Variants in WASF2 observed in about 807,000 individuals in gnomAD.
The protein encoded by WASF2 is WASP family member 2.
Under a neutral mutation model 45.0 loss-of-function variants are expected in WASF2, and 14 were observed. That is an observed-to-expected ratio of 0.31 (90% confidence interval 0.21 to 0.49). The LOEUF is 0.49. Ranked by LOEUF, WASF2 falls within the 20% of genes least tolerant of loss-of-function variation. WASF2 has a pLI of 0.99. For synonymous variants in WASF2, 200 were observed against 236.3 expected (o/e 0.85, Z 1.41); for missense variants, 439 against 636.1 (o/e 0.69, Z 3.33).
At chr1:27,454,949 TG>T (rs1469721479) in intron 1 of WASF2, among the ~76,000 whole-genome samples, 1 of 152,196 alleles carries the variant, frequency 6.6e-6, no homozygotes, top group Non-Finnish European at 1.5e-5. Context: ...ACATGTCTCC[TG>T]GTCCACATAT....
chr1:27,428,694 G>A (rs2017019965), intron 2 of WASF2, 67 bp downstream of exon 2: 2 of 1,610,982 alleles, frequency 1.2e-6, no homozygotes, highest in Non-Finnish European at 1.7e-6. Flanking sequence ...CGCGGGAGGA[G>A]AAGGAAACTA....
chr1:27,471,364 AAG>A (rs2017686705), intron 1 of WASF2, among the ~76,000 whole-genome samples: 1 of 150,844 alleles, frequency 6.6e-6, no homozygotes, highest in Non-Finnish European at 1.5e-5. Context: ...AAAAAAAAAA[AAG>A]AGTAGGCTGT....
intron 1 of WASF2, among the ~76,000 whole-genome samples, chr1:27,442,050 G>A (rs944465105): frequency 1.3e-5 from 2 of 151,226 alleles, no homozygotes; most frequent in Non-Finnish European, 2.9e-5. Flanking sequence ...AGTCTGTGGT[G>A]AGCCATGACT....
Position 27,425,577 on chromosome 1 carries a change from G to A in WASF2, c.130+3184C>T, listed in dbSNP as rs1053210327. On this transcript the variant is annotated intron_variant, in intron 2 of 8. Transcript: ENST00000618852. ...AAATTGGCCAGGCGCAGTGGCTCACGCTTGTAATCCCGGCACTCTGGGAGG... is the reference window on the plus strand; with the variant it reads ...AAATTGGCCAGGCGCAGTGGCTCACACTTGTAATCCCGGCACTCTGGGAGG... 1.1e-4 allele frequency among the ~76,000 whole-genome samples: 17 copies of A among 152,286 alleles called. 1 individual carries two copies. The highest frequency in any genetic ancestry group is 3.6e-4 in the African/African-American group (15 of 41,570).
In WASF2 at chr1:27,408,124, G is replaced by T; in HGVS notation, c.*65C>A. ...CTTTTCTCCCCCTACGGGTCTGTTGGGGTTGGCATCAAAGAAGGCAGGTAG... is the reference window on the plus strand; with the variant it reads ...CTTTTCTCCCCCTACGGGTCTGTTGTGGTTGGCATCAAAGAAGGCAGGTAG... On this transcript the variant is annotated 3_prime_UTR_variant, in exon 9 of 9. Coordinates refer to ENST00000618852, the MANE Select transcript of WASF2 (RefSeq NM_006990.5). The T allele has an allele frequency of 6.3e-7, 1 of 1,575,738 alleles. No individual in the cohort carries two copies. The highest frequency in any genetic ancestry group is 8.7e-7 in the Non-Finnish European group (1 of 1,155,462).
At chr1:27,426,960 TG>T (rs1388129409) in intron 2 of WASF2, among the ~76,000 whole-genome samples, 1 of 152,198 alleles carries the variant, frequency 6.6e-6, no homozygotes, top group Non-Finnish European at 1.5e-5. Flanking sequence ...TCAACAAATG[TG>T]GGTTCCCTTC....
intron 2 of WASF2, among the ~76,000 whole-genome samples, chr1:27,424,729 C>T (rs552059272): frequency 6.6e-6 from 1 of 152,288 alleles, no homozygotes; most frequent in East Asian, 1.9e-4. Context: ...ACTATGTTGC[C>T]CAAGCTGTCT....
At chr1:27,436,792 A>G (rs2017143715) in intron 1 of WASF2, among the ~76,000 whole-genome samples, 1 of 152,226 alleles carries the variant, frequency 6.6e-6, no homozygotes, top group Non-Finnish European at 1.5e-5. Context: ...CACTAAAACA[A>G]TGTCCAAAGG....
At chr1:27,474,035 G>C (rs1258336120) in intron 1 of WASF2, among the ~76,000 whole-genome samples, 1 of 152,194 alleles carries the variant, frequency 6.6e-6, no homozygotes, top group African/African-American at 2.4e-5. Flanking sequence ...ACTGGAGAAA[G>C]CCCACACAGA....
chr1:27,410,350 T>G lies in WASF2; in HGVS notation c.825-144A>C. ...TTAAACAGAAAGAAAAGCCTACAGA[T>G]GGTCATAACAGACCAATAATGAAAT... On this transcript the variant is annotated intron_variant, in intron 7 of 8. Coordinates refer to ENST00000618852, the MANE Select transcript of WASF2 (RefSeq NM_006990.5). The surrounding 1 kb of genome is among the most constrained non-coding windows in gnomAD (Gnocchi z 4.2). 7.0e-7 allele frequency: 1 copy of G among 1,430,626 alleles called. No homozygotes were observed. Among genetic ancestry groups the G allele is most frequent in the Non-Finnish European group, 9.2e-7 (1 of 1,085,542 alleles). The allele number at this position is 1,430,626 out of a possible 1,614,324, so 88.6% of individuals were successfully genotyped here.
chr1:27,439,672 T>C (rs1163120552), intron 1 of WASF2, among the ~76,000 whole-genome samples: 1 of 152,178 alleles, frequency 6.6e-6, no homozygotes, highest in Admixed American at 6.5e-5. Context: ...CACTGTGAAC[T>C]GAAGGGACTG....
At chr1:27,460,003 A>AT in intron 1 of WASF2, among the ~76,000 whole-genome samples, 1 of 152,226 alleles carries the variant, frequency 6.6e-6, no homozygotes, top group Middle Eastern at 3.2e-3. Flanking sequence ...GATCAATGAG[A>AT]TAACACATAT....
chr1:27,467,845 G>C (rs2017636705), intron 1 of WASF2, among the ~76,000 whole-genome samples: 2 of 151,916 alleles, frequency 1.3e-5, no homozygotes, highest in African/African-American at 4.8e-5. Context: ...CCAGGAGGCG[G>C]AGGTTGCAGT....
intron 1 of WASF2, among the ~76,000 whole-genome samples, chr1:27,487,788 CTTA>C (rs1013037420): frequency 6.9e-5 from 9 of 130,980 alleles, no homozygotes; most frequent in South Asian, 2.3e-4. Flanking sequence ...ATTTTATATT[CTTA>C]TTATGTTATA....
rs994957502 is a variant in WASF2 at position 27,407,362 on chromosome 1, C to G, written c.*827G>C. The G allele has an allele frequency of 2.0e-5, 3 of 152,866 alleles. No homozygotes were observed. The highest frequency in any genetic ancestry group is 4.4e-5 in the Non-Finnish European group (3 of 68,118). 9.5% of individuals were successfully genotyped at this position (152,866 alleles called of 1,614,324 possible). A position where few individuals can be genotyped will look rare whatever the true frequency, so the allele number is the denominator to read the frequency against. On this transcript the variant is annotated 3_prime_UTR_variant, in exon 9 of 9. Coordinates refer to ENST00000618852, the MANE Select transcript of WASF2 (RefSeq NM_006990.5). ...CACTGTTCTTCCAGTCCTGCAGCTC[C>G]AAGTCTTCAGGCTTTGCTCCTGACA...
At chr1:27,484,065 G>GA (rs1358524960) in intron 1 of WASF2, among the ~76,000 whole-genome samples, 20 of 152,184 alleles carry the variant, frequency 1.3e-4, no homozygotes, top group African/African-American at 4.8e-4. Flanking sequence ...AACAGTGAAG[G>GA]TACCATTCTT....
intron 1 of WASF2, among the ~76,000 whole-genome samples, chr1:27,441,671 G>T (rs573429960): frequency 6.7e-6 from 1 of 148,478 alleles, no homozygotes; most frequent in Non-Finnish European, 1.5e-5. Flanking sequence ...GGAGAATGGC[G>T]GGAACCTGGG....
At chr1:27,446,032 T>C (rs941213304) in intron 1 of WASF2, among the ~76,000 whole-genome samples, 4 of 152,108 alleles carry the variant, frequency 2.6e-5, no homozygotes, top group Non-Finnish European at 2.9e-5. Context: ...TTCTCCCATC[T>C]CTTTCTGCAT....
In WASF2 at chr1:27,439,922, C is replaced by T. The variant is rs138559473; in HGVS notation, c.-43-10989G>A. ...AGCTGAGGCAGGAGAATCACTTTAA[C>T]GCGGGACGTTGAAGCTGCAATGAGC... On this transcript the variant is annotated intron_variant, in intron 1 of 8. Coordinates refer to ENST00000618852, the MANE Select transcript of WASF2 (RefSeq NM_006990.5). 3.9e-3 allele frequency among the ~76,000 whole-genome samples: 596 copies of T among 152,214 alleles called. 5 individuals are homozygous for T. Among genetic ancestry groups the T allele is most frequent in the African/African-American group, 0.013 (552 of 41,520 alleles).
Sources: gnomAD v4.1 joint callset for allele counts (sites outside exome capture counted in the v4.1 genomes callset) on GRCh38, gnomAD v4.1.1 for gene constraint, Gnocchi (gnomAD v3.1) non-coding constraint, MANE v1.5 for transcripts, NCBI Gene and HGNC (gene_info 2026-07-23, HGNC 2026-07-21) for gene names.